SPHKAP: variants seen among roughly 807,000 people sequenced by gnomAD.
SPHKAP encodes the protein SPHK1 interactor, AKAP domain containing.
In SPHKAP, 67 loss-of-function variants were observed where a neutral mutation model predicts 137.5. That is an observed-to-expected ratio of 0.49 (90% CI 0.40 to 0.60). SPHKAP has a LOEUF of 0.60. Among genes scored for constraint, SPHKAP ranks in the 20% least tolerant of loss-of-function variants. The probability of loss-of-function intolerance (pLI) is 0.00; values close to 1 mark genes in which losing one functional copy is unlikely to be tolerated. For synonymous variants in SPHKAP, 813 were observed against 785.3 expected, an observed-to-expected ratio of 1.04 and a Z score of -0.59; for missense variants, 2,097 against 2,069.3, an observed-to-expected ratio of 1.01 and a Z score of -0.26.
At chr2:228,159,523 C>T (rs914659413) in intron 1 of SPHKAP, among the ~76,000 whole-genome samples, 2 of 152,156 alleles carry the variant, frequency 1.3e-5, no homozygotes, top group African/African-American at 4.8e-5. Flanking sequence ...GTTTGCATTT[C>T]AAGGAGGTGG....
chr2:227,999,186 G>A (rs951835459), intron 7 of SPHKAP, among the ~76,000 whole-genome samples: 1 of 152,142 alleles, frequency 6.6e-6, no homozygotes, highest in African/African-American at 2.4e-5. Context: ...GATCCTGACA[G>A]TCCTTCTCAC....
At chr2:227,986,712 C>T (rs1320922502) in intron 11 of SPHKAP, among the ~76,000 whole-genome samples, 1 of 152,132 alleles carries the variant, frequency 6.6e-6, no homozygotes, top group African/African-American at 2.4e-5. Flanking sequence ...AAGCACATAC[C>T]CATTTCCTCC....
intron 2 of SPHKAP, among the ~76,000 whole-genome samples, chr2:228,112,554 G>A (rs1574859918): frequency 6.6e-6 from 1 of 152,090 alleles, no homozygotes; most frequent in South Asian, 2.1e-4. Flanking sequence ...TGGTGTGCTG[G>A]GTGGGTACAT....
chr2:228,108,426 GT>G (rs1452402982), intron 3 of SPHKAP, among the ~76,000 whole-genome samples: 1 of 151,922 alleles, frequency 6.6e-6, no homozygotes, highest in African/African-American at 2.4e-5. Flanking sequence ...AATAATGACT[GT>G]AACATATAAG....
intron 3 of SPHKAP, among the ~76,000 whole-genome samples, chr2:228,056,764 A>C (rs1426831586): frequency 6.6e-6 from 1 of 152,178 alleles, no homozygotes; most frequent in Non-Finnish European, 1.5e-5. Context: ...GATAGATAGA[A>C]TTACTTTTAT....
intron 1 of SPHKAP, among the ~76,000 whole-genome samples, chr2:228,176,020 A>G (rs771655345): frequency 1.3e-5 from 2 of 152,208 alleles, no homozygotes; most frequent in Non-Finnish European, 2.9e-5. Flanking sequence ...ACTTCATAAT[A>G]CTGTCTCAAG....
At chr2:228,098,521 C>A (rs1183420024) in intron 3 of SPHKAP, among the ~76,000 whole-genome samples, 1 of 151,752 alleles carries the variant, frequency 6.6e-6, no homozygotes, top group Non-Finnish European at 1.5e-5. Context: ...GACAAAAAAC[C>A]AAACACTGCA....
intron 8 of SPHKAP, 119 bp downstream of exon 8, chr2:227,995,390 C>T: frequency 1.6e-6 from 2 of 1,283,420 alleles, no homozygotes; most frequent in Admixed American, 1.9e-5. Flanking sequence ...GGGAACTTTC[C>T]TTTTTTTGTT....
intron 1 of SPHKAP, among the ~76,000 whole-genome samples, chr2:228,142,813 T>C (rs1487598492): frequency 2.0e-5 from 3 of 152,168 alleles, no homozygotes; most frequent in Non-Finnish European, 4.4e-5. Flanking sequence ...TGAGTTTATC[T>C]ATATAACAAA....
intron 1 of SPHKAP, among the ~76,000 whole-genome samples, chr2:228,176,560 G>GA (rs1317370342): frequency 6.6e-6 from 1 of 152,160 alleles, no homozygotes; most frequent in Non-Finnish European, 1.5e-5. Flanking sequence ...TTCAGAACAG[G>GA]ACTAAGCACC....
chr2:228,101,209 A>C (rs1181638510), intron 3 of SPHKAP, among the ~76,000 whole-genome samples: 1 of 152,102 alleles, frequency 6.6e-6, no homozygotes, highest in Non-Finnish European at 1.5e-5. Context: ...TCCCCTCCTT[A>C]GTCTTCCCCT....
At chr2:228,076,854 T>C (rs1289664093) in intron 3 of SPHKAP, among the ~76,000 whole-genome samples, 1 of 152,048 alleles carries the variant, frequency 6.6e-6, no homozygotes, top group Non-Finnish European at 1.5e-5. Context: ...ACAGGGAAAA[T>C]GTCTCCAGGG....
chr2:228,028,654 C>G (rs1271539250), intron 3 of SPHKAP, among the ~76,000 whole-genome samples: 1 of 152,136 alleles, frequency 6.6e-6, no homozygotes, highest in Non-Finnish European at 1.5e-5. Context: ...GTATTTAGGA[C>G]AGAAACATGC....
intron 3 of SPHKAP, among the ~76,000 whole-genome samples, chr2:228,086,411 C>T (rs985161892): frequency 1.4e-4 from 21 of 152,084 alleles, no homozygotes; most frequent in Non-Finnish European, 1.3e-4. Flanking sequence ...AGCTCCCAAC[C>T]AAGAATTACT....
chr2:228,162,834 G>A (rs1189089859), intron 1 of SPHKAP, among the ~76,000 whole-genome samples: 1 of 152,142 alleles, frequency 6.6e-6, no homozygotes, highest in African/African-American at 2.4e-5. Context: ...AAGTAGCTGG[G>A]ATTACAGGCA....
intron 3 of SPHKAP, among the ~76,000 whole-genome samples, chr2:228,030,526 AAAAAAACAAC>A (rs1695257812): frequency 8.9e-6 from 1 of 112,424 alleles, no homozygotes. Context: ...AAAAAAAAAA[AAAAAAACAAC>A]AAAAAACAAA....
At chr2:228,025,931 T>C (rs1430100748) in intron 4 of SPHKAP, 3 of 916,668 alleles carry the variant, frequency 3.3e-6, no homozygotes, top group African/African-American at 3.6e-5. Flanking sequence ...CCAAATCTCA[T>C]CTTGTAGCTG....
At chr2:228,054,054 T>A (rs976737995) in intron 3 of SPHKAP, among the ~76,000 whole-genome samples, 12 of 152,328 alleles carry the variant, frequency 7.9e-5, no homozygotes, top group African/African-American at 2.6e-4. Context: ...TTTCCTCATT[T>A]ATTGCATTGA....
intron 2 of SPHKAP, among the ~76,000 whole-genome samples, chr2:228,114,129 T>C (rs937429051): frequency 1.3e-5 from 2 of 152,174 alleles, no homozygotes; most frequent in African/African-American, 4.8e-5. Flanking sequence ...ATTTGTCTGC[T>C]ATTTTTAGTT....
Sources: gnomAD v4.1 joint callset for allele counts (sites outside exome capture counted in the v4.1 genomes callset) on GRCh38, gnomAD v4.1.1 for gene constraint, MANE v1.5 for transcripts, NCBI Gene and HGNC (gene_info 2026-07-23, HGNC 2026-07-21) for gene names.